The following UNC13C variants were observed in gnomAD, a reference collection of about 807,000 sequenced individuals.
UNC13C encodes the protein unc-13 homolog C.
In UNC13C, 174 loss-of-function variants were observed where a neutral mutation model predicts 245.4. The ratio of observed to expected loss-of-function variants is 0.71; its 90% CI spans 0.63 to 0.80. The LOEUF is 0.80. UNC13C is among the 30% of genes least tolerant of loss of function. The probability of loss-of-function intolerance (pLI) is 0.00; values close to 1 mark genes in which losing one functional copy is unlikely to be tolerated. For missense variants in UNC13C, 2,829 were observed against 2,602.9 expected (o/e 1.09, Z -1.89); for synonymous variants, 992 against 895.1 (o/e 1.11, Z -1.93).
At chr15:54,394,720 T>C (rs1232666077) in intron 18 of UNC13C, among the ~76,000 whole-genome samples, 3 of 151,814 alleles carry the variant, frequency 2.0e-5, no homozygotes, top group Non-Finnish European at 1.5e-5. Flanking sequence ...GCTTTAATAA[T>C]CAAAGAAATT....
chr15:54,225,921 C>T (rs1281496384), intron 4 of UNC13C, among the ~76,000 whole-genome samples: 3 of 152,120 alleles, frequency 2.0e-5, no homozygotes, highest in African/African-American at 7.2e-5. Flanking sequence ...TTTGCCCATT[C>T]AGTATAATTT....
chr15:54,443,910 A>G (rs139884531), intron 19 of UNC13C, among the ~76,000 whole-genome samples: 7 of 150,486 alleles, frequency 4.7e-5, no homozygotes, highest in Admixed American at 2.0e-4. Context: ...GTAAAGGTAT[A>G]TTAAGTTCAT....
chr15:54,568,749 A>T (rs1897623345), intron 30 of UNC13C, among the ~76,000 whole-genome samples: 1 of 152,152 alleles, frequency 6.6e-6, no homozygotes, highest in Admixed American at 6.6e-5. Context: ...TTCATGAAAG[A>T]TCCTTGGAAA....
At chr15:54,555,649 T>A in intron 29 of UNC13C, 137 bp downstream of exon 29, 1 of 654,342 alleles carries the variant, frequency 1.5e-6, no homozygotes, top group Non-Finnish European at 2.6e-6. Context: ...TAGATATAGG[T>A]TGGTGCAATA....
At chr15:54,042,031 T>G (rs1896826788) in intron 2 of UNC13C, among the ~76,000 whole-genome samples, 1 of 152,146 alleles carries the variant, frequency 6.6e-6, no homozygotes, top group African/African-American at 2.4e-5. Context: ...TCTGAATATT[T>G]GAAATATGAA....
intron 17 of UNC13C, among the ~76,000 whole-genome samples, chr15:54,374,801 C>T (rs973837834): frequency 7.2e-5 from 11 of 152,222 alleles, no homozygotes; most frequent in African/African-American, 2.7e-4. Flanking sequence ...CGCCGGCTGG[C>T]TGCAGCTGTC....
At chr15:54,525,718 TCTGA>T (rs975577025) in intron 25 of UNC13C, 81 bp downstream of exon 25, 6 of 1,146,556 alleles carry the variant, frequency 5.2e-6, no homozygotes, top group African/African-American at 1.5e-5. Flanking sequence ...TGCTGTTTCC[TCTGA>T]CTGACTAAAT....
intron 17 of UNC13C, among the ~76,000 whole-genome samples, chr15:54,347,416 T>C (rs1226670739): frequency 3.9e-5 from 6 of 152,188 alleles, no homozygotes; most frequent in Non-Finnish European, 8.8e-5. Flanking sequence ...TTTATATATT[T>C]TGGTAAATTT....
chr15:54,220,085 C>A (rs34718251), intron 4 of UNC13C, among the ~76,000 whole-genome samples: 6,766 of 145,554 alleles, frequency 0.046, 339 homozygotes, highest in East Asian at 0.23. Context: ...ACCCAGCCAT[C>A]CCATTACTGG....
intron 17 of UNC13C, among the ~76,000 whole-genome samples, chr15:54,355,901 A>T (rs1438105319): frequency 6.6e-6 from 1 of 152,182 alleles, no homozygotes; most frequent in Non-Finnish European, 1.5e-5. Context: ...CGTGTCATAG[A>T]TGTATATATA....
At chr15:53,890,998 T>C in the UNC13C span, among the ~76,000 whole-genome samples, 1 of 152,220 alleles carries the variant, frequency 6.6e-6, no homozygotes, top group Non-Finnish European at 1.5e-5. Flanking sequence ...CTTGTGGGCA[T>C]TTAGTGCTAC....
chr15:54,285,883 A>C (rs2037132210), intron 10 of UNC13C, among the ~76,000 whole-genome samples: 1 of 151,574 alleles, frequency 6.6e-6, no homozygotes, highest in Non-Finnish European at 1.5e-5. Flanking sequence ...TATTTTATTT[A>C]TTTATTTTTT....
intron 8 of UNC13C, among the ~76,000 whole-genome samples, chr15:54,260,981 C>T (rs1373185824): frequency 2.0e-5 from 3 of 151,968 alleles, no homozygotes; most frequent in South Asian, 4.1e-4. Context: ...CATTAAATTA[C>T]GTAGAAGAGA....
Position 54,525,588 on chromosome 15 carries a change from G to T in UNC13C, c.5497G>T (p.Val1833Phe), listed in dbSNP as rs762778996. The T allele has an allele frequency of 1.2e-6, 2 of 1,613,038 alleles. No individual in the cohort carries two copies. The highest frequency in any genetic ancestry group is 2.2e-5 in the East Asian group (1 of 44,824). ...TAGTACTATTCTAAAAGAACTTCAG[G>T]TTAAGCTCAGTGGGGTCCTGGATGA... Reference protein sequence around the residue: ...EASTILKELQVKLSGVLDELS... With the variant: ...EASTILKELQFKLSGVLDELS... Residue 1833 changes from valine to phenylalanine, a missense_variant, in exon 25 of 33, where the codon GTT becomes TTT. By Grantham distance (50) the Val-to-Phe change is conservative. Coordinates refer to ENST00000260323, the MANE Select transcript of UNC13C (RefSeq NM_001080534.3).
intron 20 of UNC13C, among the ~76,000 whole-genome samples, chr15:54,496,432 C>G (rs529692798): frequency 1.3e-5 from 2 of 152,136 alleles, no homozygotes; most frequent in African/African-American, 2.4e-5. Context: ...TTTAATCCAG[C>G]AATCCCACTT....
At chr15:54,166,510 A>C (rs1282917355) in intron 4 of UNC13C, among the ~76,000 whole-genome samples, 4 of 152,082 alleles carry the variant, frequency 2.6e-5, no homozygotes, top group African/African-American at 9.7e-5. Context: ...TTTTAAAACA[A>C]GTATAGGCAA....
intron 30 of UNC13C, among the ~76,000 whole-genome samples, chr15:54,578,021 A>G (rs1596603313): frequency 6.6e-6 from 1 of 152,212 alleles, no homozygotes; most frequent in African/African-American, 2.4e-5. Flanking sequence ...CCACAGAAAT[A>G]TTTCCATTAT....
chr15:53,989,570 G>A (rs1595684058), intron 1 of UNC13C, among the ~76,000 whole-genome samples: 1 of 151,770 alleles, frequency 6.6e-6, no homozygotes, highest in African/African-American at 2.4e-5. Context: ...ATTATGCCAC[G>A]TAAAACATGT....
intron 4 of UNC13C, among the ~76,000 whole-genome samples, chr15:54,204,321 A>AC (rs1555431026): frequency 1.0e-4 from 15 of 149,214 alleles, no homozygotes; most frequent in Middle Eastern, 3.5e-3. Context: ...AAAAAAAAAA[A>AC]CCAAAACCAC....
Sources: allele counts gnomAD v4.1 joint callset (sites outside exome capture counted in the v4.1 genomes callset), GRCh38; gene constraint gnomAD v4.1.1; transcripts MANE v1.5; gene names NCBI Gene and HGNC (gene_info 2026-07-23, HGNC 2026-07-21).